Variants in CDH13 observed in about 807,000 individuals in gnomAD.
The protein encoded by CDH13 is cadherin-13.
In CDH13, 24 loss-of-function variants were observed where a neutral mutation model predicts 63.8. That is an observed-to-expected ratio of 0.38 (90% CI 0.27 to 0.53). The LOEUF (loss-of-function observed/expected upper bound fraction) is 0.53, where lower values mean the gene tolerates loss of function less well. Ranked by LOEUF, CDH13 falls within the 20% of genes least tolerant of loss-of-function variation. The pLI, the probability that CDH13 is intolerant of heterozygous loss-of-function variation, is 0.85. For missense variants in CDH13, 1,049 were observed against 903.1 expected, an observed-to-expected ratio of 1.16 and a Z score of -2.07; for synonymous variants, 503 against 355.3, an observed-to-expected ratio of 1.42 and a Z score of -4.67.
intron 1 of CDH13, among the ~76,000 whole-genome samples, chr16:82,842,022 C>A (rs1158044069): frequency 4.7e-5 from 7 of 149,094 alleles, no homozygotes; most frequent in African/African-American, 1.5e-4. Flanking sequence ...TTGGGTACCC[C>A]TCACTGCTAG....
At chr16:83,470,781 A>G (rs994076116) in intron 6 of CDH13, among the ~76,000 whole-genome samples, 3 of 152,206 alleles carry the variant, frequency 2.0e-5, no homozygotes, top group Admixed American at 1.3e-4. Context: ...CACCGCTAGT[A>G]TGAGCTTCCT....
intron 1 of CDH13, among the ~76,000 whole-genome samples, chr16:82,632,072 G>A (rs1211971040): frequency 4.6e-5 from 7 of 150,586 alleles, no homozygotes; most frequent in African/African-American, 1.5e-4. Context: ...AAAAAGTCAG[G>A]TCAGGCAACC....
intron 1 of CDH13, among the ~76,000 whole-genome samples, chr16:82,741,088 C>T (rs1226733027): frequency 6.6e-6 from 1 of 152,138 alleles, no homozygotes; most frequent in African/African-American, 2.4e-5. Flanking sequence ...CCCCCAAACC[C>T]AACAATGACC....
At chr16:83,337,374 C>G (rs539793199) in intron 5 of CDH13, among the ~76,000 whole-genome samples, 2 of 152,148 alleles carry the variant, frequency 1.3e-5, no homozygotes, top group Non-Finnish European at 2.9e-5. Flanking sequence ...TTCTTTAGCT[C>G]CTTCTCCATT....
chr16:83,179,225 C>A (rs995743552), intron 4 of CDH13, among the ~76,000 whole-genome samples: 3 of 152,066 alleles, frequency 2.0e-5, no homozygotes, highest in Non-Finnish European at 4.4e-5. Context: ...CATATGAAAT[C>A]CACATTTCCC....
At chr16:82,891,026 C>A (rs1597151536) in intron 2 of CDH13, among the ~76,000 whole-genome samples, 1 of 138,798 alleles carries the variant, frequency 7.2e-6, no homozygotes. Context: ...GACATTAAGT[C>A]ATAGAGGAGG....
intron 4 of CDH13, among the ~76,000 whole-genome samples, chr16:83,150,861 C>A (rs546545087): frequency 6.6e-6 from 1 of 152,176 alleles, no homozygotes; most frequent in Non-Finnish European, 1.5e-5. Flanking sequence ...TTCCCCTTAA[C>A]CATTTCCATT....
intron 6 of CDH13, among the ~76,000 whole-genome samples, chr16:83,424,165 A>C (rs918468850): frequency 1.9e-4 from 29 of 151,854 alleles, no homozygotes; most frequent in Admixed American, 2.0e-4. Flanking sequence ...AAAAGTCTAG[A>C]AGAGGGAAAT....
At chr16:83,032,523 T>G (rs1381447378) in intron 3 of CDH13, among the ~76,000 whole-genome samples, 1 of 152,084 alleles carries the variant, frequency 6.6e-6, no homozygotes, top group African/African-American at 2.4e-5. Flanking sequence ...GTGGCTCCAT[T>G]TTCCTTTTAT....
At chr16:82,820,197 G>C (rs964705774) in intron 1 of CDH13, among the ~76,000 whole-genome samples, 1 of 152,146 alleles carries the variant, frequency 6.6e-6, no homozygotes, top group African/African-American at 2.4e-5. Context: ...TCTTTAAAAT[G>C]ACAGCATCAC....
At chr16:82,741,575 C>T (rs1567487441) in intron 1 of CDH13, among the ~76,000 whole-genome samples, 1 of 152,152 alleles carries the variant, frequency 6.6e-6, no homozygotes, top group Non-Finnish European at 1.5e-5. Flanking sequence ...CTATCGTTAG[C>T]ATTCATCTCC....
intron 3 of CDH13, among the ~76,000 whole-genome samples, chr16:83,103,133 A>T (rs2034581426): frequency 6.7e-6 from 1 of 150,096 alleles, no homozygotes; most frequent in Non-Finnish European, 1.5e-5. Flanking sequence ...TTGTATCTTT[A>T]GTAGAGATGG....
intron 7 of CDH13, among the ~76,000 whole-genome samples, chr16:83,527,617 A>G (rs527674195): frequency 2.0e-4 from 30 of 152,322 alleles, no homozygotes; most frequent in African/African-American, 7.0e-4. Flanking sequence ...GCCCAGGGCA[A>G]CCTGAGTCTG....
chr16:82,725,380 G>C (rs1313845740), intron 1 of CDH13, among the ~76,000 whole-genome samples: 1 of 152,136 alleles, frequency 6.6e-6, no homozygotes, highest in Non-Finnish European at 1.5e-5. Flanking sequence ...GGAGAATAGT[G>C]GGTTCTGGAG....
rs778316746 is a variant in CDH13, at chr16:83,342,843, G to GTTTTTTTTTTTTTTTTTTT, written c.637-2013_637-1995dup. Among the ~76,000 whole-genome samples the GTTTTTTTTTTTTTTTTTTT allele has an allele frequency of 4.0e-4, 26 of 65,294 alleles. 2 individuals are homozygous for GTTTTTTTTTTTTTTTTTTT. Among genetic ancestry groups the GTTTTTTTTTTTTTTTTTTT allele is most frequent in the African/African-American group, 8.9e-4 (14 of 15,664 alleles). The allele number at this position is 65,294 out of a possible 152,430, so 42.8% of individuals were successfully genotyped here. A position where few individuals can be genotyped will look rare whatever the true frequency, so the allele number is the denominator to read the frequency against. On this transcript the variant is annotated intron_variant, in intron 5 of 13. Transcript: ENST00000567109. ...TTAGGCACAGTGTTTTTTTGTTTCT[G>GTTTTTTTTTTTTTTTTTTT]TTTTTTTTTTTTTTTTTTTTTTTTG... is the stretch of plus-strand genomic sequence containing the variant.
At chr16:83,573,891 C>T (rs751594545) in intron 7 of CDH13, among the ~76,000 whole-genome samples, 2 of 152,124 alleles carry the variant, frequency 1.3e-5, no homozygotes, top group Non-Finnish European at 2.9e-5. Context: ...ATTATTTTGG[C>T]AGTTCTCAGT....
chr16:83,619,707 GA>G (rs1294098066), intron 8 of CDH13, among the ~76,000 whole-genome samples: 2 of 152,242 alleles, frequency 1.3e-5, no homozygotes, highest in Admixed American at 1.3e-4. Context: ...CCTCTTTGCA[GA>G]AGGACACCAG....
chr16:83,087,007 C>A (rs920177142), intron 3 of CDH13, among the ~76,000 whole-genome samples: 18 of 152,242 alleles, frequency 1.2e-4, no homozygotes, highest in African/African-American at 2.6e-4. Flanking sequence ...TACACAACCG[C>A]AAAACTGGCT....
chr16:82,896,465 TG>T (rs962197314), intron 2 of CDH13, among the ~76,000 whole-genome samples: 13 of 151,748 alleles, frequency 8.6e-5, no homozygotes, highest in African/African-American at 1.7e-4. Context: ...GGGTAATTTT[TG>T]TATTTTTTTT....
Sources: gnomAD v4.1 joint callset for allele counts (sites outside exome capture counted in the v4.1 genomes callset) on GRCh38, gnomAD v4.1.1 for gene constraint, MANE v1.5 for transcripts, NCBI Gene and HGNC (gene_info 2026-07-23, HGNC 2026-07-21) for gene names.